COL4A2: variants seen among roughly 807,000 people sequenced by gnomAD.
The protein encoded by COL4A2 is collagen alpha-2(IV) chain.
A neutral mutation model predicts 200.2 loss-of-function variants in COL4A2; 99 were observed. That is an observed-to-expected ratio of 0.49 (90% CI 0.42 to 0.58). The LOEUF (loss-of-function observed/expected upper bound fraction) is 0.58. COL4A2 is among the 20% of genes least tolerant of loss of function. The pLI, the probability that COL4A2 is intolerant of heterozygous loss-of-function variation, is 0.00. For synonymous variants in COL4A2, 897 were observed against 900.6 expected (o/e 1.00, Z 0.07); for missense variants, 1,950 against 2,314.1 (o/e 0.84, Z 3.23).
rs567328558 is a variant in COL4A2, at chr13:110,376,109, T to G, written c.180+18557T>G. Among the ~76,000 whole-genome samples, 144 of 152,272 alleles carry G rather than the reference T, an allele frequency of 9.5e-4. 1 individual carries two copies. The highest frequency in any genetic ancestry group is 3.1e-3 in the African/African-American group (130 of 41,552). On this transcript the variant is annotated intron_variant, in intron 4 of 47. Coordinates refer to ENST00000360467, the MANE Select transcript of COL4A2 (RefSeq NM_001846.4). Reference sequence around the variant, plus strand: ...AAAGAACTATCTGACATTCACTGGCTTAGGGATATTTGGGGAGACACGATA... The same window carrying G: ...AAAGAACTATCTGACATTCACTGGCGTAGGGATATTTGGGGAGACACGATA...
At chr13:110,484,574 A>C (rs1271581035) in intron 32 of COL4A2, among the ~76,000 whole-genome samples, 1 of 152,124 alleles carries the variant, frequency 6.6e-6, no homozygotes, top group Non-Finnish European at 1.5e-5. Context: ...TCATCAGAGC[A>C]CACACAACAA....
rs116871220 is a variant in COL4A2, at chr13:110,359,823, A to T, written c.180+2271A>T. ...CATTATTTCACTGTCAAAAATCACA[A>T]CTGAGGAGGCTTCCTGCCCCTTTGA... On this transcript the variant is annotated intron_variant, in intron 4 of 47. Transcript: ENST00000360467. Among the ~76,000 whole-genome samples the T allele has an allele frequency of 9.4e-3, 1,432 of 152,230 alleles. 9 individuals carry two copies. The highest frequency in any genetic ancestry group is 0.01 in the African/African-American group (429 of 41,530).
intron 4 of COL4A2, among the ~76,000 whole-genome samples, chr13:110,370,906 T>C (rs1433530259): frequency 6.6e-6 from 1 of 152,234 alleles, no homozygotes; most frequent in Non-Finnish European, 1.5e-5. Context: ...GGGATAGCTA[T>C]GCAGCCATCT....
intron 27 of COL4A2, among the ~76,000 whole-genome samples, chr13:110,468,596 T>G (rs1882344048): frequency 6.6e-6 from 1 of 152,046 alleles, no homozygotes; most frequent in African/African-American, 2.4e-5. Flanking sequence ...TCCCATCCGC[T>G]CCTCCCTCTC....
At chr13:110,477,361 C>T (rs763431456) in intron 29 of COL4A2, among the ~76,000 whole-genome samples, 25 of 152,258 alleles carry the variant, frequency 1.6e-4, no homozygotes, top group Non-Finnish European at 3.1e-4. Flanking sequence ...TGCTAACGCT[C>T]AGTGCTGGGG....
intron 3 of COL4A2, among the ~76,000 whole-genome samples, chr13:110,343,214 T>C (rs1250145441): frequency 6.6e-6 from 1 of 152,108 alleles, no homozygotes; most frequent in African/African-American, 2.4e-5. Context: ...AGGAGTGGGA[T>C]TGAAAATCCA....
chr13:110,470,163 G>A lies in COL4A2; in HGVS notation c.2203+839G>A, dbSNP rs552823390. ...ACTCCTGACATTAGGTGATCTGCCC[G>A]CCTCAGCCTGCCAAAGTGCTGGGAT... On this transcript the variant is annotated intron_variant, in intron 28 of 47. Coordinates refer to ENST00000360467, the MANE Select transcript of COL4A2 (RefSeq NM_001846.4). Among the ~76,000 whole-genome samples the A allele has an allele frequency of 2.0e-4, 31 of 152,154 alleles. No individual in the cohort carries two copies. The South Asian group carries it at 4.6e-3, about 22-fold the overall frequency.
At chr13:110,447,245 C>T (rs2139477804) in intron 18 of COL4A2, among the ~76,000 whole-genome samples, 2 of 152,302 alleles carry the variant, frequency 1.3e-5, no homozygotes, top group South Asian at 4.2e-4. Flanking sequence ...ATTTTTTCTC[C>T]AAATGCACCA....
At chr13:110,396,291 A>G (rs1879178296) in intron 4 of COL4A2, among the ~76,000 whole-genome samples, 1 of 152,236 alleles carries the variant, frequency 6.6e-6, no homozygotes, top group Non-Finnish European at 1.5e-5. Context: ...TGAATCTCGC[A>G]GATTGAGAAC....
intron 40 of COL4A2, among the ~76,000 whole-genome samples, chr13:110,498,955 G>A (rs996969418): frequency 6.6e-6 from 1 of 152,220 alleles, no homozygotes; most frequent in Admixed American, 6.5e-5. Flanking sequence ...GAACGTCACA[G>A]TGGGCCCATG....
At chr13:110,465,948 G>A in intron 25 of COL4A2, 55 bp from the exon 26 acceptor site, 1 of 1,592,430 alleles carries the variant, frequency 6.3e-7, no homozygotes, top group South Asian at 1.1e-5. Context: ...AGACGAGCCA[G>A]TAACTCTTAT....
At chr13:110,384,811 C>T (rs1878620525) in intron 4 of COL4A2, among the ~76,000 whole-genome samples, 1 of 152,206 alleles carries the variant, frequency 6.6e-6, no homozygotes, top group African/African-American at 2.4e-5. Flanking sequence ...CCTTCCCTGG[C>T]ATAGAGCAGA....
chr13:110,475,990 A>T (rs1451666537), intron 29 of COL4A2, among the ~76,000 whole-genome samples: 1 of 152,260 alleles, frequency 6.6e-6, no homozygotes, highest in African/African-American at 2.4e-5. Context: ...GCATTCGTGC[A>T]CATTCACCCG....
rs767139003 is a variant in COL4A2 at position 110,450,433 on chromosome 13, C to G, written c.1318C>G (p.Pro440Ala). The G allele has an allele frequency of 6.2e-7, 1 of 1,613,894 alleles. No homozygotes were observed. Among genetic ancestry groups the G allele is most frequent in the Admixed American group, 1.7e-5 (1 of 60,022 alleles). ...KRGPPGPPGL[P>A]GPPGPDGFLF... ...AGGGCCTCCAGGACCCCCCGGGCTC[C>G]CTGGACCACCTGGACCTGATGGTGA... Residue 440 changes from proline (P) to alanine (A), a missense_variant, in exon 20 of 48, where the codon CCT becomes GCT. Physicochemically the swap from Pro to Ala is conservative, Grantham distance 27. This residue lies in a region of COL4A2 where 565 missense variants were observed against 593.5 expected (regional missense o/e 0.95). Coordinates refer to ENST00000360467, the MANE Select transcript of COL4A2 (RefSeq NM_001846.4).
chr13:110,477,943 G>C, intron 29 of COL4A2, 60 bp from the exon 30 acceptor site: 5 of 1,362,052 alleles, frequency 3.7e-6, no homozygotes, highest in Non-Finnish European at 4.8e-6. Context: ...GGAGGGAGAT[G>C]CTGTCTGTGA....
At chr13:110,475,159 G>A (rs948817209) in intron 29 of COL4A2, among the ~76,000 whole-genome samples, 12 of 152,244 alleles carry the variant, frequency 7.9e-5, no homozygotes, top group Non-Finnish European at 1.5e-4. Context: ...GTGAAATTAC[G>A]AGGATGGGGA....
chr13:110,465,312 C>CAA, intron 24 of COL4A2, 93 bp from the exon 25 acceptor site: 1 of 1,461,496 alleles, frequency 6.8e-7, no homozygotes, highest in East Asian at 2.3e-5. Flanking sequence ...ATCCATAGCT[C>CAA]AGAATTCCGG....
intron 40 of COL4A2, among the ~76,000 whole-genome samples, chr13:110,498,633 T>C (rs1883537541): frequency 6.6e-6 from 1 of 152,222 alleles, no homozygotes; most frequent in Non-Finnish European, 1.5e-5. Context: ...TATTTTCCAC[T>C]TAATACCTCA....
At chr13:110,459,171 A>G in intron 22 of COL4A2, 1 of 422,140 alleles carries the variant, frequency 2.4e-6, no homozygotes, top group Non-Finnish European at 4.2e-6. Flanking sequence ...CTCTTGAAAG[A>G]GTTCAATAGG....
Sources: allele counts gnomAD v4.1 joint callset (sites outside exome capture counted in the v4.1 genomes callset), GRCh38; gene constraint gnomAD v4.1.1; regional missense constraint gnomAD v4.1.1; transcripts MANE v1.5; gene names NCBI Gene and HGNC (gene_info 2026-07-23, HGNC 2026-07-21).